Variants in RSPO4 observed in about 807,000 individuals in gnomAD.
RSPO4 encodes R-spondin-4.
In RSPO4, 23 loss-of-function variants were observed where a neutral mutation model predicts 24.8. That is an observed-to-expected ratio of 0.93 (90% CI 0.67 to 1.31). The LOEUF (loss-of-function observed/expected upper bound fraction) is 1.31. Ranked by LOEUF, RSPO4 falls within the 40% of genes most tolerant of loss-of-function variation. RSPO4 has a pLI of 0.00. For synonymous variants in RSPO4, 141 were observed against 127.4 expected, an observed-to-expected ratio of 1.11 and a Z score of -0.72; for missense variants, 333 against 316.5, an observed-to-expected ratio of 1.05 and a Z score of -0.39.
intron 1 of RSPO4, among the ~76,000 whole-genome samples, chr20:973,559 C>T (rs1407210422): frequency 6.6e-6 from 1 of 152,130 alleles, no homozygotes; most frequent in Non-Finnish European, 1.5e-5. Flanking sequence ...CTGCAAACTC[C>T]GTCTCCCAGG....
chr20:994,945 A>G (rs1302510195), intron 1 of RSPO4, among the ~76,000 whole-genome samples: 1 of 152,184 alleles, frequency 6.6e-6, no homozygotes, highest in East Asian at 1.9e-4. Context: ...GCGGGGGGAA[A>G]CTGAGGCTCT....
intron 1 of RSPO4, among the ~76,000 whole-genome samples, chr20:992,412 T>C (rs1270885098): frequency 2.0e-5 from 3 of 151,948 alleles, no homozygotes; most frequent in Non-Finnish European, 4.4e-5. Context: ...ATCCTCTGAA[T>C]CTGGCATGCT....
At chr20:960,517 T>A (rs2122203445) in intron 4 of RSPO4, 51 bp from the exon 5 acceptor site, 1 of 1,346,022 alleles carries the variant, frequency 7.4e-7, no homozygotes, top group Non-Finnish European at 1.0e-6. Context: ...GCCAGTTAGG[T>A]CCTGGGAGCC....
intron 1 of RSPO4, among the ~76,000 whole-genome samples, chr20:971,134 G>A (rs917751051): frequency 1.3e-5 from 2 of 152,184 alleles, no homozygotes; most frequent in East Asian, 1.9e-4. Context: ...GAGCCACCAC[G>A]ACTGGCCTGA....
intron 1 of RSPO4, among the ~76,000 whole-genome samples, chr20:1,000,272 C>T (rs55920345): frequency 0.038 from 5,753 of 152,218 alleles, 128 homozygotes; most frequent in African/African-American, 0.059. Context: ...GATTGGGATT[C>T]GAGCCTGCTT....
intron 1 of RSPO4, among the ~76,000 whole-genome samples, chr20:990,790 G>C (rs1350357654): frequency 6.6e-6 from 1 of 152,204 alleles, no homozygotes; most frequent in Non-Finnish European, 1.5e-5. Context: ...GTCTCCAGCT[G>C]ATGTCTCTCT....
chr20:990,233 C>A (rs867119334), intron 1 of RSPO4, among the ~76,000 whole-genome samples: 1 of 152,114 alleles, frequency 6.6e-6, no homozygotes, highest in Non-Finnish European at 1.5e-5. Context: ...TCTCAGGTCC[C>A]GAGGCACACC....
intron 1 of RSPO4, among the ~76,000 whole-genome samples, chr20:987,876 T>A (rs542181997): frequency 5.9e-5 from 9 of 152,262 alleles, no homozygotes; most frequent in Non-Finnish European, 1.3e-4. Flanking sequence ...GGGCCTACTA[T>A]GTGCCAGGCA....
Position 970,609 on chromosome 20 carries a change from T to C in RSPO4, c.80-2471A>G, listed in dbSNP as rs1247300908. ...TGAGGGCAGAGAGCAAGTGTGATGT[T>C]GTAAGGGAGATTCCCAGAGCCAGAG... On this transcript the variant is annotated intron_variant, in intron 1 of 4. Coordinates refer to ENST00000217260, the MANE Select transcript of RSPO4 (RefSeq NM_001029871.4). This position sits in a 1 kb window ranked among gnomAD's most constrained non-coding sequence, Gnocchi z 4.1. Among the ~76,000 whole-genome samples, 1 of 152,036 alleles carries C rather than the reference T, an allele frequency of 6.6e-6. No homozygotes were observed. The highest frequency in any genetic ancestry group is 1.5e-5 in the Non-Finnish European group (1 of 68,016).
intron 1 of RSPO4, among the ~76,000 whole-genome samples, chr20:992,885 T>G (rs936805620): frequency 1.3e-5 from 2 of 152,196 alleles, no homozygotes; most frequent in Non-Finnish European, 2.9e-5. Flanking sequence ...AAGGGAGAGA[T>G]GACCTGCCCA....
chr20:964,116 C>T lies in RSPO4; in HGVS notation c.414G>A (p.Glu138=), dbSNP rs1451408887. 1 of 1,611,906 alleles carries T rather than the reference C, an allele frequency of 6.2e-7. No individual in the cohort carries two copies. Among genetic ancestry groups the T allele is most frequent in the South Asian group, 1.1e-5 (1 of 90,948 alleles). The change falls in exon 4 of 5, where the codon GAG becomes GAA. Residue 138 remains glutamate (E), a synonymous_variant. Transcript: ENST00000217260. ...AGCCGCCCCAGGGACCCAGTTCACA[C>T]TCCCCTGTGGGGTGAAAGGAGAGAC... ...AHQNTRECQG[E]CELGPWGGWS... is the part of the protein sequence containing the mutation.
chr20:962,899 A>C (rs1984050591), intron 4 of RSPO4, among the ~76,000 whole-genome samples: 1 of 152,150 alleles, frequency 6.6e-6, no homozygotes, highest in Non-Finnish European at 1.5e-5. Flanking sequence ...CAGTCCCCTC[A>C]TCTGTAAAAT....
intron 1 of RSPO4, among the ~76,000 whole-genome samples, chr20:998,220 C>T (rs763777157): frequency 6.6e-6 from 1 of 152,098 alleles, no homozygotes; most frequent in Non-Finnish European, 1.5e-5. Flanking sequence ...ATGTGGGGGT[C>T]CCTCCCCAGA....
At chr20:992,134 C>A (rs1043563567) in intron 1 of RSPO4, among the ~76,000 whole-genome samples, 36 of 152,132 alleles carry the variant, frequency 2.4e-4, no homozygotes, top group African/African-American at 6.5e-4. Flanking sequence ...TGGCTTCCCC[C>A]CAAAATAGCC....
chr20:997,627 A>C (rs1487387468), intron 1 of RSPO4, among the ~76,000 whole-genome samples: 2 of 152,144 alleles, frequency 1.3e-5, no homozygotes, highest in Admixed American at 1.3e-4. Context: ...CTCAGGGGAC[A>C]TACTTTGTTC....
intron 1 of RSPO4, among the ~76,000 whole-genome samples, chr20:998,420 A>G (rs1985362582): frequency 6.6e-6 from 1 of 152,226 alleles, no homozygotes. Context: ...ATTAATCAAC[A>G]TGCTGTTTTG....
chr20:968,987 T>C (rs976713228), intron 1 of RSPO4, among the ~76,000 whole-genome samples: 1 of 152,202 alleles, frequency 6.6e-6, no homozygotes. Context: ...CTGATTAAGC[T>C]GAACACTTGC....
intron 4 of RSPO4, among the ~76,000 whole-genome samples, chr20:960,943 G>A (rs746973248): frequency 6.6e-6 from 1 of 152,222 alleles, no homozygotes; most frequent in Non-Finnish European, 1.5e-5. Flanking sequence ...ACTGTATGCA[G>A]GCCACAGCCC....
chr20:996,756 G>T (rs969302213), intron 1 of RSPO4, among the ~76,000 whole-genome samples: 1 of 152,102 alleles, frequency 6.6e-6, no homozygotes, highest in African/African-American at 2.4e-5. Flanking sequence ...GGTGACTGGA[G>T]AGTGGCACCC....
Sources: gnomAD v4.1 joint callset for allele counts (sites outside exome capture counted in the v4.1 genomes callset) on GRCh38, gnomAD v4.1.1 for gene constraint, Gnocchi (gnomAD v3.1) non-coding constraint, MANE v1.5 for transcripts, NCBI Gene and HGNC (gene_info 2026-07-23, HGNC 2026-07-21) for gene names.